COG5: variants seen among roughly 807,000 people sequenced by gnomAD.
COG5 encodes the protein component of oligomeric golgi complex 5, also known as conserved oligomeric Golgi complex subunit 5.
In COG5, 86 loss-of-function variants were observed where a neutral mutation model predicts 110.4. That is an observed-to-expected ratio of 0.78 (90% CI 0.65 to 0.93). The LOEUF is 0.93. COG5 is among the 40% of genes least tolerant of loss of function. COG5 has a pLI of 0.00. For missense variants in COG5, 1,077 were observed against 987.0 expected, an observed-to-expected ratio of 1.09 and a Z score of -1.22; for synonymous variants, 360 against 334.6, an observed-to-expected ratio of 1.08 and a Z score of -0.83.
At chr7:107,563,722 G>T in intron 1 of COG5, 81 bp downstream of exon 1, 1 of 1,524,904 alleles carries the variant, frequency 6.6e-7, no homozygotes, top group Non-Finnish European at 9.1e-7. Flanking sequence ...GCAAAGCAAC[G>T]GGTTGGGTCC....
intron 6 of COG5, among the ~76,000 whole-genome samples, chr7:107,525,421 C>T (rs745554625): frequency 2.6e-5 from 4 of 152,144 alleles, no homozygotes; most frequent in Admixed American, 6.5e-5. Context: ...CATAATCCTA[C>T]AAACTATTGT....
In COG5 at chr7:107,298,282, G is replaced by C. The variant is rs749806249; in HGVS notation, c.1173C>G (p.Asp391Glu). Residue 391 changes from aspartate (D) to glutamate (E), a missense_variant, in exon 12 of 22, where the codon GAC becomes GAG. Coordinates refer to ENST00000297135, the MANE Select transcript of COG5 (RefSeq NM_006348.5). ...TGTATTGTTGAAGACGCTTCCATAA[G>C]TCATTATAAAGACGTAATAATTTAG... The part of the protein sequence containing the change: ...EYPKLLRLYN[D>E]LWKRLQQYSQ... The C allele has an allele frequency of 6.2e-7, 1 of 1,613,478 alleles. No homozygotes were observed. Among genetic ancestry groups the C allele is most frequent in the East Asian group, 2.2e-5 (1 of 44,798 alleles).
chr7:107,302,317 C>A (rs1390969704), intron 11 of COG5, among the ~76,000 whole-genome samples: 1 of 152,070 alleles, frequency 6.6e-6, no homozygotes, highest in Non-Finnish European at 1.5e-5. Flanking sequence ...ATTCTGGGAG[C>A]TACAAACTAC....
Position 107,207,303 on chromosome 7 carries a change from G to A in COG5, c.2375+3223C>T, listed in dbSNP as rs113907171. On this transcript the variant is annotated intron_variant, in intron 21 of 21. Coordinates refer to ENST00000297135, the MANE Select transcript of COG5 (RefSeq NM_006348.5). ...AGGAGGAGAAACATTTCCCTCCATC[G>A]ATGGAGATCTTGGGAGTTCTGCAGA... Among the ~76,000 whole-genome samples, 1,504 of 152,250 alleles carry A rather than the reference G, an allele frequency of 9.9e-3. 26 individuals are homozygous for A. Among genetic ancestry groups the A allele is most frequent in the African/African-American group, 0.035 (1,450 of 41,538 alleles).
intron 14 of COG5, among the ~76,000 whole-genome samples, chr7:107,270,702 G>A (rs1012183402): frequency 1.3e-5 from 2 of 151,730 alleles, no homozygotes; most frequent in African/African-American, 2.4e-5. Context: ...ATTTAGTTTC[G>A]GTAATGTTAT....
chr7:107,295,271 C>T (rs955465013), intron 12 of COG5, among the ~76,000 whole-genome samples: 23 of 150,302 alleles, frequency 1.5e-4, no homozygotes, highest in Non-Finnish European at 1.5e-4. Flanking sequence ...TAAATTTGTT[C>T]TTCTGCCTGC....
chr7:107,522,235 G>A (rs772984686), intron 6 of COG5, among the ~76,000 whole-genome samples: 9 of 152,212 alleles, frequency 5.9e-5, no homozygotes, highest in South Asian at 2.1e-4. Flanking sequence ...TTGGGAGGCC[G>A]AGGCGGGCAG....
chr7:107,517,015 T>A (rs562002832), intron 6 of COG5, among the ~76,000 whole-genome samples: 2 of 152,168 alleles, frequency 1.3e-5, no homozygotes, highest in Non-Finnish European at 2.9e-5. Flanking sequence ...GATGAACTAA[T>A]TGACAGAAGT....
At chr7:107,432,777 T>C (rs779855338) in intron 6 of COG5, among the ~76,000 whole-genome samples, 3 of 152,132 alleles carry the variant, frequency 2.0e-5, no homozygotes, top group Non-Finnish European at 4.4e-5. Context: ...AAAAAAATTC[T>C]ACAAAAAATT....
At chr7:107,465,245 A>G (rs1796229441) in intron 6 of COG5, among the ~76,000 whole-genome samples, 1 of 152,228 alleles carries the variant, frequency 6.6e-6, no homozygotes, top group Non-Finnish European at 1.5e-5. Context: ...AAAAACTCCC[A>G]AGACTAATAT....
At position 107,326,541 on chromosome 7, in the gene COG5, C is replaced by T. The variant is rs1032828712; in HGVS notation, c.1027-2020G>A. Among the ~76,000 whole-genome samples, 10 of 152,028 alleles carry T rather than the reference C, an allele frequency of 6.6e-5. No individual in the cohort carries two copies. In the East Asian group the frequency reaches 1.4e-3, roughly 21 times the overall value. ...GCCAGAAAAAAATGAAGAAAACTAC[C>T]CTACTTTTATAACAGTATCCAAAAG... On this transcript the variant is annotated intron_variant, in intron 10 of 21. Coordinates refer to ENST00000297135, the MANE Select transcript of COG5 (RefSeq NM_006348.5).
intron 6 of COG5, among the ~76,000 whole-genome samples, chr7:107,507,057 T>C (rs1423846004): frequency 1.3e-5 from 2 of 152,168 alleles, no homozygotes; most frequent in Non-Finnish European, 2.9e-5. Context: ...CCTAAATCAG[T>C]TCCAGTGTTG....
intron 12 of COG5, among the ~76,000 whole-genome samples, chr7:107,287,628 C>T (rs553361516): frequency 2.0e-5 from 3 of 152,268 alleles, no homozygotes; most frequent in Non-Finnish European, 2.9e-5. Flanking sequence ...TCTTTAACTA[C>T]AACACTCCAC....
chr7:107,384,858 G>A (rs1815440708), intron 7 of COG5, among the ~76,000 whole-genome samples: 2 of 152,188 alleles, frequency 1.3e-5, no homozygotes, highest in South Asian at 4.2e-4. Context: ...ATAAACTGCT[G>A]TTTAAACCAT....
intron 5 of COG5, among the ~76,000 whole-genome samples, chr7:107,533,953 C>CT (rs1349092281): frequency 6.6e-6 from 1 of 151,668 alleles, no homozygotes; most frequent in Non-Finnish European, 1.5e-5. Flanking sequence ...GCCCATCAGA[C>CT]TAACAGCAGA....
chr7:107,538,519 G>C (rs1283962373), intron 5 of COG5, among the ~76,000 whole-genome samples: 1 of 152,006 alleles, frequency 6.6e-6, no homozygotes, highest in East Asian at 1.9e-4. Flanking sequence ...CTGCGTCCTA[G>C]TTTTGTGTGG....
intron 6 of COG5, among the ~76,000 whole-genome samples, chr7:107,481,805 T>G (rs1029158684): frequency 6.6e-6 from 1 of 152,210 alleles, no homozygotes; most frequent in African/African-American, 2.4e-5. Context: ...ACCTACTTTA[T>G]AAAAACTGTC....
intron 18 of COG5, among the ~76,000 whole-genome samples, chr7:107,230,924 AAC>A (rs998911258): frequency 8.5e-5 from 13 of 152,338 alleles, no homozygotes; most frequent in African/African-American, 3.1e-4. Context: ...ATAAAAAAAA[AAC>A]ATTTTTTGTT....
At chr7:107,326,789 T>C (rs554227047) in intron 10 of COG5, among the ~76,000 whole-genome samples, 72 of 152,244 alleles carry the variant, frequency 4.7e-4, no homozygotes, top group Non-Finnish European at 3.2e-4. Context: ...CTAAAATTAA[T>C]AGAGAATCTC....
Sources: gnomAD v4.1 joint callset for allele counts (sites outside exome capture counted in the v4.1 genomes callset) on GRCh38, gnomAD v4.1.1 for gene constraint, MANE v1.5 for transcripts, NCBI Gene and HGNC (gene_info 2026-07-23, HGNC 2026-07-21) for gene names.